The following SMOC1 variants were observed in gnomAD, a reference collection of about 807,000 sequenced individuals.
SMOC1 encodes SPARC-related modular calcium-binding protein 1.
In SMOC1, 22 loss-of-function variants were observed where a neutral mutation model predicts 56.3. The observed-to-expected ratio is 0.39, with a 90% CI of 0.28 to 0.56. SMOC1 has a LOEUF of 0.56. Ranked by LOEUF, SMOC1 falls within the 20% of genes least tolerant of loss-of-function variation. The pLI is 0.61. For synonymous variants in SMOC1, 193 were observed against 215.0 expected, an observed-to-expected ratio of 0.90 and a Z score of 0.89; for missense variants, 509 against 565.4, an observed-to-expected ratio of 0.90 and a Z score of 1.01.
intron 1 of SMOC1, among the ~76,000 whole-genome samples, chr14:69,942,024 C>A (rs542425768): frequency 1.3e-5 from 2 of 152,284 alleles, no homozygotes; most frequent in East Asian, 3.9e-4. Flanking sequence ...GTTCTTTTTC[C>A]TTCCTCCCTG....
chr14:69,884,436 T>C (rs1883738703), intron 1 of SMOC1, among the ~76,000 whole-genome samples: 1 of 152,228 alleles, frequency 6.6e-6, no homozygotes, highest in Non-Finnish European at 1.5e-5. Flanking sequence ...TTCCTTGGTG[T>C]GTAGAAGCTT....
chr14:69,932,791 G>C (rs1594809385), intron 1 of SMOC1, among the ~76,000 whole-genome samples: 1 of 152,156 alleles, frequency 6.6e-6, no homozygotes, highest in African/African-American at 2.4e-5. Flanking sequence ...GAGTGGGCGG[G>C]GGGTGCAGAG....
At chr14:69,994,608 T>C (rs1594844855) in intron 7 of SMOC1, 128 bp downstream of exon 7, 2 of 767,328 alleles carry the variant, frequency 2.6e-6, no homozygotes, top group Non-Finnish European at 4.6e-6. Flanking sequence ...TCTATAGCTA[T>C]AAAATAAAGA....
At chr14:69,888,094 T>A (rs927246627) in intron 1 of SMOC1, among the ~76,000 whole-genome samples, 2 of 152,122 alleles carry the variant, frequency 1.3e-5, no homozygotes, top group African/African-American at 4.8e-5. Flanking sequence ...GAGGGCCCCC[T>A]CCTTCCATGT....
At position 70,032,269 on chromosome 14, in the gene SMOC1, CGT is replaced by C. The variant is rs1886181328; in HGVS notation, c.*2018_*2019del. The C allele has an allele frequency of 1.3e-5, 2 of 152,210 alleles. No individual in the cohort carries two copies. The highest frequency in any genetic ancestry group is 4.8e-5 in the African/African-American group (2 of 41,428). 9.4% of individuals were successfully genotyped at this position (152,210 alleles called of 1,614,324 possible). Reference sequence around the variant, plus strand: ...CCAGGCATCTTGTCTCCCACAGGATCGTGTGTGTAGGTGGTGTTGTGTGGTTT... The same window carrying C: ...CCAGGCATCTTGTCTCCCACAGGATCGTGTGTAGGTGGTGTTGTGTGGTTT... On this transcript the variant is annotated 3_prime_UTR_variant, in exon 12 of 12. Coordinates refer to ENST00000361956, the MANE Select transcript of SMOC1 (RefSeq NM_001034852.3).
chr14:69,885,681 G>A, intron 1 of SMOC1: 2 of 1,449,908 alleles, frequency 1.4e-6, no homozygotes, highest in South Asian at 2.3e-5. Context: ...ATCACCACCA[G>A]CTGAGCTTTC....
intron 5 of SMOC1, among the ~76,000 whole-genome samples, chr14:69,983,740 G>A (rs1884264139): frequency 6.6e-6 from 1 of 152,240 alleles, no homozygotes; most frequent in Admixed American, 6.5e-5. Context: ...GCCAATGAGA[G>A]TATGTTCATT....
chr14:69,909,175 ATCAAGT>A (rs1278640083), intron 1 of SMOC1, among the ~76,000 whole-genome samples: 1 of 152,192 alleles, frequency 6.6e-6, no homozygotes, highest in African/African-American at 2.4e-5. Context: ...TCAGCACTTT[ATCAAGT>A]GCTGAAAAAT....
chr14:69,902,549 C>T (rs968009149), intron 1 of SMOC1, among the ~76,000 whole-genome samples: 6 of 152,174 alleles, frequency 3.9e-5, no homozygotes, highest in Non-Finnish European at 7.3e-5. Context: ...CTTCTGCCTT[C>T]ACCCTGTGGG....
rs140017183 is a variant in SMOC1, at chr14:69,994,244, G to A, written c.584-156G>A. On this transcript the variant is annotated intron_variant, in intron 6 of 11. Coordinates refer to ENST00000361956, the MANE Select transcript of SMOC1 (RefSeq NM_001034852.3). ...TTGGGGAGAGAAGCTTCCGTTGTGAGGAAGGGAGGGGAACTGGGAGGAGTG... is the reference window on the plus strand; with the variant it reads ...TTGGGGAGAGAAGCTTCCGTTGTGAAGAAGGGAGGGGAACTGGGAGGAGTG... The A allele has an allele frequency of 8.8e-4, 667 of 755,302 alleles. 3 individuals are homozygous for A. The African/African-American group carries it at 9.0e-3, about 10-fold the overall frequency. The allele number at this position is 755,302 out of a possible 1,614,324, so 46.8% of individuals were successfully genotyped here. A position where few individuals can be genotyped will look rare whatever the true frequency, so the allele number is the denominator to read the frequency against.
rs140026933 is a variant in SMOC1, at chr14:69,972,065, C to T, written c.379-3650C>T. 6.6e-5 allele frequency among the ~76,000 whole-genome samples: 10 copies of T among 152,290 alleles called. No individual in the cohort carries two copies. The South Asian group carries it at 2.1e-3, about 32-fold the overall frequency. On this transcript the variant is annotated intron_variant, in intron 3 of 11. Transcript: ENST00000361956. ...TATTTACATTATCAAATTGAATTCT[C>T]TTAACAACTAAGATAAGTATTATTG...
chr14:69,938,290 T>C (rs1882402282), intron 1 of SMOC1, among the ~76,000 whole-genome samples: 1 of 152,206 alleles, frequency 6.6e-6, no homozygotes, highest in African/African-American at 2.4e-5. Flanking sequence ...AGAATTTGTG[T>C]GGCAGTCTTT....
At position 70,030,467 on chromosome 14, in the gene SMOC1, G is replaced by A. The variant is rs1489279193; in HGVS notation, c.*209G>A. 7.3e-5 allele frequency: 23 copies of A among 316,418 alleles called. No individual in the cohort carries two copies. In the East Asian group the frequency reaches 1.4e-3, roughly 19 times the overall value. 19.6% of individuals were successfully genotyped at this position (316,418 alleles called of 1,614,324 possible). A position where few individuals can be genotyped will look rare whatever the true frequency, so the allele number is the denominator to read the frequency against. On this transcript the variant is annotated 3_prime_UTR_variant, in exon 12 of 12. Coordinates refer to ENST00000361956, the MANE Select transcript of SMOC1 (RefSeq NM_001034852.3). ...ATATCTAATACCACAGTGGGAAAAG[G>A]AAAGGGAAGAAAGACTTTATTCTCT...
chr14:69,884,152 C>T (rs1051703368), intron 1 of SMOC1, among the ~76,000 whole-genome samples: 3 of 151,424 alleles, frequency 2.0e-5, no homozygotes, highest in Non-Finnish European at 2.9e-5. Flanking sequence ...ATGATCCACC[C>T]GCCTCGGCCT....
rs1055462835 is a variant in SMOC1, at chr14:69,913,554, C to T, written c.99+33777C>T. ...CTTGCTTTTCTAAAATTCAGAGTAA[C>T]TAGTCATTGTGTATTTTTATTTGGT... On this transcript the variant is annotated intron_variant, in intron 1 of 11. Coordinates refer to ENST00000361956, the MANE Select transcript of SMOC1 (RefSeq NM_001034852.3). 7.9e-5 allele frequency among the ~76,000 whole-genome samples: 12 copies of T among 152,160 alleles called. No homozygotes were observed. In the East Asian group the frequency reaches 1.5e-3, roughly 20 times the overall value.
At chr14:70,000,573 C>G (rs56031625) in intron 7 of SMOC1, among the ~76,000 whole-genome samples, 31,438 of 152,106 alleles carry the variant, frequency 0.21, 3,680 homozygotes, top group East Asian at 0.46. Context: ...TGAGCGGGTG[C>G]GAGTCAGTGA....
chr14:69,900,415 A>T lies in SMOC1; in HGVS notation c.99+20638A>T, dbSNP rs552136579. ...CAGCTAGTGTTCTAGGCACTGGGAA[A>T]CAAAATACAACAGGGAACGAGATAG... On this transcript the variant is annotated intron_variant, in intron 1 of 11. Coordinates refer to ENST00000361956, the MANE Select transcript of SMOC1 (RefSeq NM_001034852.3). Among the ~76,000 whole-genome samples the T allele has an allele frequency of 2.6e-5, 4 of 152,348 alleles. No individual in the cohort carries two copies. The South Asian group carries it at 8.3e-4, about 32-fold the overall frequency.
chr14:69,975,338 G>T (rs1310450158), intron 3 of SMOC1, among the ~76,000 whole-genome samples: 4 of 152,172 alleles, frequency 2.6e-5, no homozygotes, highest in Non-Finnish European at 5.9e-5. Flanking sequence ...GTGAAACTGT[G>T]TCTCAAAAAT....
chr14:69,923,154 C>T (rs1884896856), intron 1 of SMOC1, among the ~76,000 whole-genome samples: 1 of 151,896 alleles, frequency 6.6e-6, no homozygotes, highest in Non-Finnish European at 1.5e-5. Context: ...ACAGTGTTAG[C>T]CAGGATGGTC....
Sources: allele counts gnomAD v4.1 joint callset (sites outside exome capture counted in the v4.1 genomes callset), GRCh38; gene constraint gnomAD v4.1.1; transcripts MANE v1.5; gene names NCBI Gene and HGNC (gene_info 2026-07-23, HGNC 2026-07-21).